Variants in AKR1E2 observed in about 807,000 individuals in gnomAD.
AKR1E2 encodes the protein 1,5-anhydro-D-fructose reductase.
AKR1E2 carries 43 observed loss-of-function variants against 41.9 expected under a neutral mutation model. That is an observed-to-expected ratio of 1.03 (90% CI 0.80 to 1.32). The LOEUF (loss-of-function observed/expected upper bound fraction) is 1.32. AKR1E2 is among the 40% of genes most tolerant of loss of function. AKR1E2 has a pLI of 0.00. For synonymous variants in AKR1E2, 121 were observed against 138.9 expected, an observed-to-expected ratio of 0.87 and a Z score of 0.91; for missense variants, 423 against 396.5, an observed-to-expected ratio of 1.07 and a Z score of -0.57.
the AKR1E2 span, among the ~76,000 whole-genome samples, chr10:4,858,750 A>G: frequency 1.5e-4 from 23 of 151,952 alleles, 1 homozygote; most frequent in Admixed American, 1.5e-3. Flanking sequence ...ATGCATGGAG[A>G]TGAGTGGTGG....
At chr10:4,843,832 C>T (rs1376469195) in intron 8 of AKR1E2, among the ~76,000 whole-genome samples, 1 of 152,240 alleles carries the variant, frequency 6.6e-6, no homozygotes, top group Non-Finnish European at 1.5e-5. Context: ...TGCCCTTCTC[C>T]TCTCCTTTCT....
At chr10:4,833,613 G>A (rs1002751228) in intron 3 of AKR1E2, 147 bp downstream of exon 3, 3 of 719,956 alleles carry the variant, frequency 4.2e-6, no homozygotes, top group Non-Finnish European at 4.9e-6. Flanking sequence ...GCGGCATTTG[G>A]GCAGTCCTCT....
chr10:4,844,457 C>T (rs1834147436), intron 8 of AKR1E2, among the ~76,000 whole-genome samples: 1 of 152,212 alleles, frequency 6.6e-6, no homozygotes, highest in Admixed American at 6.5e-5. Flanking sequence ...AGTGGGTTGC[C>T]AGTGCTGGCT....
At chr10:4,872,746 G>A in the AKR1E2 span, among the ~76,000 whole-genome samples, 1 of 152,012 alleles carries the variant, frequency 6.6e-6, no homozygotes, top group African/African-American at 2.4e-5. Context: ...ACTCTAATGT[G>A]GTAAAGATAA....
In AKR1E2 at chr10:4,836,657, A is replaced by G. The variant is rs566682772; in HGVS notation, c.460-802A>G. The stretch of plus-strand genomic sequence containing the variant: ...AGGCTCCCCCCATCAATAGAAGACA[A>G]AGACTGACCTAAGGTATCTGAGATG... On this transcript the variant is annotated intron_variant, in intron 4 of 9. Coordinates refer to ENST00000298375, the MANE Select transcript of AKR1E2 (RefSeq NM_001040177.3). Among the ~76,000 whole-genome samples the G allele has an allele frequency of 1.2e-4, 18 of 152,308 alleles. 1 individual carries two copies. In the South Asian group the frequency reaches 3.7e-3, roughly 32 times the overall value.
rs1027474872 is a variant in AKR1E2, at chr10:4,826,302, C to A, written c.-23C>A. The A allele has an allele frequency of 2.4e-6, 3 of 1,231,766 alleles. No individual in the cohort carries two copies. Among genetic ancestry groups the A allele is most frequent in the Non-Finnish European group, 3.0e-6 (3 of 986,374 alleles). 76.3% of individuals were successfully genotyped at this position (1,231,766 alleles called of 1,614,324 possible). A position where few individuals can be genotyped will look rare whatever the true frequency, so the allele number is the denominator to read the frequency against. On this transcript the variant is annotated 5_prime_UTR_variant, in exon 1 of 10. Coordinates refer to ENST00000298375, the MANE Select transcript of AKR1E2 (RefSeq NM_001040177.3). ...GGTAGTCGCGTGCGGGGCGGCGGGG[C>A]GGCGGGGCGGCCGGCGGCGGCCATG...
At chr10:4,859,647 A>G in the AKR1E2 span, among the ~76,000 whole-genome samples, 1 of 152,216 alleles carries the variant, frequency 6.6e-6, no homozygotes, top group Admixed American at 6.5e-5. Context: ...TTCTGAGCAA[A>G]GGCATTTACA....
chr10:4,866,203 A>C, the AKR1E2 span, among the ~76,000 whole-genome samples: 6 of 152,178 alleles, frequency 3.9e-5, no homozygotes, highest in Non-Finnish European at 7.3e-5. Flanking sequence ...GACAGATTTT[A>C]TGTTTGAATT....
At chr10:4,861,707 A>T in the AKR1E2 span, among the ~76,000 whole-genome samples, 1 of 152,166 alleles carries the variant, frequency 6.6e-6, no homozygotes, top group Non-Finnish European at 1.5e-5. Context: ...GAAATAATTT[A>T]CCATAGATAA....
At chr10:4,847,097 T>C in intron 8 of AKR1E2, 51 bp from the exon 9 acceptor site, 1 of 1,605,018 alleles carries the variant, frequency 6.2e-7, no homozygotes, top group Non-Finnish European at 8.5e-7. Flanking sequence ...ATGTGCTCCA[T>C]TAAATGTGAA....
At chr10:4,849,040 C>T (rs1834474575), downstream of AKR1E2, among the ~76,000 whole-genome samples, 1 of 152,190 alleles carries the variant, frequency 6.6e-6, no homozygotes, top group Non-Finnish European at 1.5e-5. Flanking sequence ...GTGTAGAAAC[C>T]TTCTAGCTTG....
At chr10:4,844,297 G>A (rs188093264) in intron 8 of AKR1E2, among the ~76,000 whole-genome samples, 273 of 152,064 alleles carry the variant, frequency 1.8e-3, no homozygotes, top group African/African-American at 6.2e-3. Flanking sequence ...CGGTGGGTTC[G>A]TGGTCTTATT....
At chr10:4,862,063 G>C in the AKR1E2 span, among the ~76,000 whole-genome samples, 9 of 152,070 alleles carry the variant, frequency 5.9e-5, no homozygotes, top group Non-Finnish European at 8.8e-5. Context: ...TATGGTTTTA[G>C]GTCTAACATT....
the AKR1E2 span, among the ~76,000 whole-genome samples, chr10:4,858,002 G>C: frequency 6.6e-6 from 1 of 151,700 alleles, no homozygotes; most frequent in Non-Finnish European, 1.5e-5. Context: ...CTCTTCTCTT[G>C]TCTTTATTAT....
intron 1 of AKR1E2, among the ~76,000 whole-genome samples, chr10:4,827,018 G>A (rs1225593210): frequency 6.7e-6 from 1 of 149,644 alleles, no homozygotes; most frequent in African/African-American, 2.5e-5. Context: ...CGATGCTGCA[G>A]TGAGCTTTGA....
At chr10:4,837,863 G>T (rs1010631671) in intron 5 of AKR1E2, among the ~76,000 whole-genome samples, 1 of 152,174 alleles carries the variant, frequency 6.6e-6, no homozygotes, top group African/African-American at 2.4e-5. Context: ...AAGCAGTCAG[G>T]GTCCTGGCAG....
chr10:4,848,247 C>T (rs908644601), downstream of AKR1E2, among the ~76,000 whole-genome samples: 6 of 152,186 alleles, frequency 3.9e-5, no homozygotes, highest in African/African-American at 1.4e-4. Context: ...ATACGGTCTT[C>T]TGATAAGTCA....
intron 4 of AKR1E2, 32 bp from the exon 5 acceptor site, chr10:4,837,427 G>A (rs752934923): frequency 6.2e-7 from 1 of 1,611,024 alleles, no homozygotes; most frequent in South Asian, 1.1e-5. Context: ...GTAGACAGAA[G>A]CTTCACACCC....
chr10:4,866,650 T>TGTTTTTGTTTTTG, the AKR1E2 span, among the ~76,000 whole-genome samples: 1 of 144,964 alleles, frequency 6.9e-6, no homozygotes, highest in Non-Finnish European at 1.5e-5. Flanking sequence ...TTTTTGTTTT[T>TGTTTTTGTTTTTG]TTTTTTTTTT....
Sources: gnomAD v4.1 joint callset for allele counts (sites outside exome capture counted in the v4.1 genomes callset) on GRCh38, gnomAD v4.1.1 for gene constraint, MANE v1.5 for transcripts, NCBI Gene and HGNC (gene_info 2026-07-23, HGNC 2026-07-21) for gene names.